The following NUP88 variants were observed in gnomAD, a reference collection of about 807,000 sequenced individuals.
NUP88 encodes nuclear pore complex protein Nup88.
A neutral mutation model predicts 93.9 loss-of-function variants in NUP88; 57 were observed. That is an observed-to-expected ratio of 0.61 (90% CI 0.49 to 0.76). The LOEUF is 0.76. Among genes scored for constraint, NUP88 ranks in the 30% least tolerant of loss-of-function variants. The pLI, the probability that NUP88 is intolerant of heterozygous loss-of-function variation, is 0.00. For missense variants in NUP88, 911 were observed against 901.0 expected (o/e 1.01, Z -0.14); for synonymous variants, 346 against 336.8 (o/e 1.03, Z -0.30).
At position 5,400,139 on chromosome 17, in the gene NUP88, T is replaced by TAAAAAAAAAAAAAAAA. The variant is rs199804588; in HGVS notation, c.1193-490_1193-489insTTTTTTTTTTTTTTTT. Among the ~76,000 whole-genome samples the TAAAAAAAAAAAAAAAA allele has an allele frequency of 9.5e-4, 106 of 111,606 alleles. 6 individuals are homozygous for TAAAAAAAAAAAAAAAA. The highest frequency in any genetic ancestry group is 1.9e-3 in the South Asian group (5 of 2,660). 73.2% of individuals were successfully genotyped at this position (111,606 alleles called of 152,430 possible). On this transcript the variant is annotated intron_variant, in intron 7 of 16. Coordinates refer to ENST00000573584, the MANE Select transcript of NUP88 (RefSeq NM_002532.6). ...GCAGGGTTGCCACATCTTTCATTTG[T>TAAAAAAAAAAAAAAAA]TAAAAAAAAAAAAAAAAAGCACTGT...
intron 9 of NUP88, among the ~76,000 whole-genome samples, chr17:5,391,890 C>T (rs1912460470): frequency 6.6e-6 from 1 of 152,074 alleles, no homozygotes; most frequent in Non-Finnish European, 1.5e-5. Context: ...CTGTAGCGTG[C>T]TGCTGACTGT....
intron 11 of NUP88, chr17:5,388,249 C>T (rs1597312860): frequency 5.8e-6 from 1 of 172,342 alleles, no homozygotes; most frequent in East Asian, 1.6e-4. Context: ...GATCCGCCTG[C>T]CTGGGCCTCC....
At chr17:5,397,458 C>G (rs1354031037) in intron 8 of NUP88, among the ~76,000 whole-genome samples, 4 of 152,030 alleles carry the variant, frequency 2.6e-5, no homozygotes, top group African/African-American at 4.8e-5. Context: ...AGGACTCAAC[C>G]CAGCCCACTG....
In NUP88 at chr17:5,385,091, GGGAATGGTTAGT is replaced by G. The variant is rs1277914399; in HGVS notation, c.*1103_*1114del. On this transcript the variant is annotated 3_prime_UTR_variant, in exon 17 of 17. Transcript: ENST00000573584. Reference sequence around the variant, plus strand: ...CTGGGTAATAAAATCATCACAATTAGGGAATGGTTAGTGGTCTCTACTGTGGCAAATGCCAAC... The same window carrying G: ...CTGGGTAATAAAATCATCACAATTAGGGTCTCTACTGTGGCAAATGCCAAC... The G allele has an allele frequency of 1.7e-5, 4 of 229,426 alleles. No homozygotes were observed. The highest frequency in any genetic ancestry group is 3.5e-5 in the Non-Finnish European group (4 of 115,792). 14.2% of individuals were successfully genotyped at this position (229,426 alleles called of 1,614,324 possible).
intron 7 of NUP88, among the ~76,000 whole-genome samples, chr17:5,400,173 A>G (rs59605950): frequency 0.41 from 57,793 of 140,356 alleles, 12,686 homozygotes; most frequent in East Asian, 0.83. Context: ...GTGAACCACA[A>G]TAAAATGAGG....
chr17:5,398,430 A>T (rs1233044734), intron 8 of NUP88, among the ~76,000 whole-genome samples: 2 of 151,754 alleles, frequency 1.3e-5, no homozygotes, highest in Admixed American at 6.6e-5. Context: ...CAGGGATTAT[A>T]GGCGCACACC....
rs534325319 is a variant in NUP88 at position 5,398,009 on chromosome 17, C to G, written c.1291+1543G>C. Among the ~76,000 whole-genome samples the G allele has an allele frequency of 4.0e-5, 6 of 151,430 alleles. No individual in the cohort carries two copies. In the South Asian group the frequency reaches 1.3e-3, roughly 32 times the overall value. ...GCAGTCTCTACCTCCCAGGTTCAAGCGATTCTCCTGTCTCAGCCTCCCGAG... is the reference window on the plus strand; with the variant it reads ...GCAGTCTCTACCTCCCAGGTTCAAGGGATTCTCCTGTCTCAGCCTCCCGAG... On this transcript the variant is annotated intron_variant, in intron 8 of 16. Coordinates refer to ENST00000573584, the MANE Select transcript of NUP88 (RefSeq NM_002532.6).
rs1041784407 is a variant in NUP88 at position 5,385,761 on chromosome 17, G to A, written c.*445C>T. The A allele has an allele frequency of 4.3e-6, 1 of 233,366 alleles. No homozygotes were observed. Among genetic ancestry groups the A allele is most frequent in the Non-Finnish European group, 8.4e-6 (1 of 118,496 alleles). 14.5% of individuals were successfully genotyped at this position (233,366 alleles called of 1,614,324 possible). Reference sequence around the variant, plus strand: ...TAACCATTTGTTAACTGTACTGAAGGTGTGTCCTCAAGAAGAAAGTGTTCA... The same window carrying A: ...TAACCATTTGTTAACTGTACTGAAGATGTGTCCTCAAGAAGAAAGTGTTCA... On this transcript the variant is annotated 3_prime_UTR_variant, in exon 17 of 17. Transcript: ENST00000573584.
At chr17:5,402,631 T>C (rs1439914732) in intron 7 of NUP88, among the ~76,000 whole-genome samples, 1 of 152,146 alleles carries the variant, frequency 6.6e-6, no homozygotes, top group Non-Finnish European at 1.5e-5. Flanking sequence ...TAACAAGAAC[T>C]GTAAGGAGAG....
chr17:5,396,397 G>A (rs1024413603), intron 8 of NUP88, among the ~76,000 whole-genome samples: 1 of 152,204 alleles, frequency 6.6e-6, no homozygotes, highest in Non-Finnish European at 1.5e-5. Context: ...CCATACAGTT[G>A]TTTGTAACTG....
chr17:5,391,868 A>G (rs1912459010), intron 9 of NUP88, among the ~76,000 whole-genome samples: 1 of 152,222 alleles, frequency 6.6e-6, no homozygotes, highest in Admixed American at 6.5e-5. Flanking sequence ...TAAGTCACTC[A>G]GGAATCCCTA....
At chr17:5,387,258 A>C in intron 14 of NUP88, 128 bp downstream of exon 14, 3 of 1,242,018 alleles carry the variant, frequency 2.4e-6, no homozygotes, top group Non-Finnish European at 3.5e-6. Flanking sequence ...TCCCCAACAT[A>C]TACTTCAGAG....
Position 5,404,150 on chromosome 17 carries a change from C to T in NUP88, c.1141G>A (p.Glu381Lys). 1 of 1,614,176 alleles carries T rather than the reference C, an allele frequency of 6.2e-7. No individual in the cohort carries two copies. The highest frequency in any genetic ancestry group is 8.5e-7 in the Non-Finnish European group (1 of 1,180,004). Residue 381 changes from glutamate to lysine, a missense_variant, in exon 7 of 17, where the codon GAG (glutamate) becomes AAG (lysine). Coordinates refer to ENST00000573584, the MANE Select transcript of NUP88 (RefSeq NM_002532.6). The stretch of plus-strand genomic sequence containing the variant: ...AAGTCAGAATCAAAAGGGTCATCCT[C>T]TCCAGATGCCAGTTTCAAAGCAAGC... Reference protein sequence around the residue: ...LELALKLASGEDDPFDSDFSC... With the variant: ...LELALKLASGKDDPFDSDFSC...
intron 1 of NUP88, 150 bp downstream of exon 1, chr17:5,419,204 G>T: frequency 1.2e-6 from 1 of 832,870 alleles, no homozygotes; most frequent in Non-Finnish European, 1.7e-6. Context: ...CATCGAGAGA[G>T]CCTGAGTCCC....
chr17:5,406,867 C>T (rs953268113), intron 5 of NUP88, among the ~76,000 whole-genome samples: 5 of 152,064 alleles, frequency 3.3e-5, no homozygotes, highest in East Asian at 1.9e-4. Flanking sequence ...CTGGGCTGCG[C>T]GCAGCCCGTG....
chr17:5,399,134 A>G (rs11078561), intron 8 of NUP88, among the ~76,000 whole-genome samples: 64,794 of 142,636 alleles, frequency 0.45, 14,858 homozygotes, highest in East Asian at 0.84. Context: ...TTTGTGATCC[A>G]CCCACCTCGG....
rs1056623797 is a variant in NUP88, at chr17:5,388,881, G to C, written c.1564C>G (p.Leu522Val). 2.5e-6 allele frequency: 4 copies of C among 1,613,924 alleles called. No individual in the cohort carries two copies. In the South Asian group the frequency reaches 3.3e-5, roughly 13 times the overall value. The stretch of plus-strand genomic sequence containing the variant: ...TCAAAGGAATCTGGGGTTTCAGCCA[G>C]AACACGGAGGGGAGACTCTGCCACT... ...VEVAESPLRV[L>V]AETPDSFEKH... Residue 522 changes from leucine to valine, a missense_variant, in exon 11 of 17, where the codon CTG becomes GTG. Transcript: ENST00000573584.
chr17:5,404,031 G>T, intron 7 of NUP88, 68 bp downstream of exon 7: 2 of 1,462,114 alleles, frequency 1.4e-6, no homozygotes, highest in South Asian at 1.2e-5. Flanking sequence ...CATTACATAG[G>T]AACAGTCTAT....
chr17:5,413,437 C>T (rs1417256906), intron 3 of NUP88, among the ~76,000 whole-genome samples: 4 of 152,210 alleles, frequency 2.6e-5, no homozygotes, highest in African/African-American at 9.6e-5. Context: ...CTGAAGGTAT[C>T]TGTACCTCTG....
Sources: gnomAD v4.1 joint callset for allele counts (sites outside exome capture counted in the v4.1 genomes callset) on GRCh38, gnomAD v4.1.1 for gene constraint, MANE v1.5 for transcripts, NCBI Gene and HGNC (gene_info 2026-07-23, HGNC 2026-07-21) for gene names.